The following MORN4 variants were observed in gnomAD, a reference collection of about 807,000 sequenced individuals.
MORN4 encodes MORN repeat containing 4, also known as MORN repeat-containing protein 4.
Under a neutral mutation model 16.4 loss-of-function variants are expected in MORN4, and 8 were observed. That is an observed-to-expected ratio of 0.49 (90% CI 0.29 to 0.88). The LOEUF (loss-of-function observed/expected upper bound fraction) is 0.88, where lower values mean the gene tolerates loss of function less well. Ranked by LOEUF, MORN4 falls within the 40% of genes least tolerant of loss-of-function variation. MORN4 has a pLI of 0.09. For missense variants in MORN4, 159 were observed against 182.9 expected (o/e 0.87, Z 0.75); for synonymous variants, 53 against 68.9 (o/e 0.77, Z 1.14).
At chr10:97,620,858 C>T (rs972328409) in intron 1 of MORN4, among the ~76,000 whole-genome samples, 5 of 152,242 alleles carry the variant, frequency 3.3e-5, no homozygotes, top group African/African-American at 1.2e-4. Context: ...CGTGGTAGCT[C>T]ATGCCTGTAA....
intron 1 of MORN4, among the ~76,000 whole-genome samples, chr10:97,632,260 C>G (rs934398154): frequency 2.7e-5 from 4 of 146,746 alleles, no homozygotes; most frequent in African/African-American, 1.0e-4. Flanking sequence ...GCTCTGTCCC[C>G]CATGCTGGAG....
chr10:97,633,334 G>C lies in MORN4; in HGVS notation c.-31+13C>G. 1 of 1,289,286 alleles carries C rather than the reference G, an allele frequency of 7.8e-7. No homozygotes were observed. The highest frequency in any genetic ancestry group is 1.2e-5 in the South Asian group (1 of 80,984). 79.9% of individuals were successfully genotyped at this position (1,289,286 alleles called of 1,614,324 possible). A position where few individuals can be genotyped will look rare whatever the true frequency, so the allele number is the denominator to read the frequency against. On this transcript the variant is annotated intron_variant, in intron 1 of 4. Transcript: ENST00000307450. The surrounding 1 kb of genome is among the most constrained non-coding windows in gnomAD (Gnocchi z 4.5). ...TCTTTCCCGGCCCCCTCCCTCCTGC[G>C]CCTCCAGCCAACCTGGGGCCGGCCT...
At position 97,633,451 on chromosome 10, in the gene MORN4, C is replaced by T. The variant is rs11813351; in HGVS notation, c.-135G>A. ...CGGCTGCCACCTTGCTCTCCGCCAC[C>T]TCCACCAGCGATTGCCCCACTTGAC... On this transcript the variant is annotated 5_prime_UTR_variant, in exon 1 of 5. Transcript: ENST00000307450. The surrounding 1 kb of genome is among the most constrained non-coding windows in gnomAD (Gnocchi z 4.5). 2.0e-3 allele frequency: 2,635 copies of T among 1,289,896 alleles called. 49 individuals are homozygous for T. In the African/African-American group the frequency reaches 0.036, roughly 18 times the overall value. 79.9% of individuals were successfully genotyped at this position (1,289,896 alleles called of 1,614,324 possible).
In MORN4 at chr10:97,617,403, T is replaced by C. The variant is rs147928048; in HGVS notation, c.68-81A>G. 6.5e-4 allele frequency: 638 copies of C among 983,306 alleles called. 7 individuals carry two copies. The East Asian group carries it at 0.015, about 23-fold the overall frequency. 60.9% of individuals were successfully genotyped at this position (983,306 alleles called of 1,614,324 possible). A position where few individuals can be genotyped will look rare whatever the true frequency, so the allele number is the denominator to read the frequency against. Reference sequence around the variant, plus strand: ...TCTTACTCTTGTAGCATCCCTTACCTGCCATCACCCTACCCACAAAGAAAA... The same window carrying C: ...TCTTACTCTTGTAGCATCCCTTACCCGCCATCACCCTACCCACAAAGAAAA... On this transcript the variant is annotated intron_variant, in intron 2 of 4. Coordinates refer to ENST00000307450, the MANE Select transcript of MORN4 (RefSeq NM_178832.4).
chr10:97,620,505 AAAGAAAAAAAAAAG>A (rs1467215063), intron 1 of MORN4, among the ~76,000 whole-genome samples: 44 of 104,694 alleles, frequency 4.2e-4, no homozygotes, highest in African/African-American at 1.6e-3. Flanking sequence ...AAAAAAAAAA[AAAGAAAAAAAAAAG>A]AAAATATGGG....
intron 1 of MORN4, among the ~76,000 whole-genome samples, chr10:97,628,872 A>T (rs926258790): frequency 1.3e-5 from 2 of 152,184 alleles, no homozygotes; most frequent in African/African-American, 2.4e-5. Flanking sequence ...CTTGGGGATT[A>T]TACCCTAAAT....
intron 1 of MORN4, among the ~76,000 whole-genome samples, chr10:97,620,021 G>A (rs532737608): frequency 1.4e-4 from 21 of 152,040 alleles, no homozygotes; most frequent in East Asian, 1.9e-4. Flanking sequence ...TTCCCTTGAC[G>A]AGTTTATAAT....
At position 97,614,669 on chromosome 10, in the gene MORN4, A is replaced by C. The variant is rs138848613; in HGVS notation, c.*1594T>G. The C allele has an allele frequency of 8.3e-3, 1,271 of 152,786 alleles. 9 individuals carry two copies. The highest frequency in any genetic ancestry group is 0.014 in the Non-Finnish European group (981 of 68,026). 9.5% of individuals were successfully genotyped at this position (152,786 alleles called of 1,614,324 possible). A position where few individuals can be genotyped will look rare whatever the true frequency, so the allele number is the denominator to read the frequency against. On this transcript the variant is annotated 3_prime_UTR_variant, in exon 5 of 5. Transcript: ENST00000307450. ...CACCACAATCTGCTGTTGAAGAGAC[A>C]TTCAATGTGAGGCTAGGGAGCTAGA...
chr10:97,622,860 T>C (rs557996165), intron 1 of MORN4, among the ~76,000 whole-genome samples: 2 of 143,660 alleles, frequency 1.4e-5, no homozygotes, highest in South Asian at 4.4e-4. Flanking sequence ...TCATCTTTCA[T>C]TTATTTATTT....
intron 1 of MORN4, among the ~76,000 whole-genome samples, chr10:97,627,588 C>T (rs79043127): frequency 6.6e-6 from 1 of 152,182 alleles, no homozygotes; most frequent in Non-Finnish European, 1.5e-5. Context: ...TTATAAGAAT[C>T]CCTGTGCTCT....
intron 2 of MORN4, 131 bp from the exon 3 acceptor site, chr10:97,617,453 G>C (rs1280274666): frequency 2.7e-6 from 2 of 737,130 alleles, no homozygotes; most frequent in Non-Finnish European, 4.7e-6. Flanking sequence ...ACATTAGCAG[G>C]GCAGAGGATT....
intron 1 of MORN4, among the ~76,000 whole-genome samples, chr10:97,628,934 T>C (rs1046206675): frequency 6.6e-6 from 1 of 152,262 alleles, no homozygotes; most frequent in African/African-American, 2.4e-5. Flanking sequence ...TTACCAAATG[T>C]GGCGGACTGT....
At chr10:97,624,025 C>G (rs532670132) in intron 1 of MORN4, among the ~76,000 whole-genome samples, 2 of 152,028 alleles carry the variant, frequency 1.3e-5, no homozygotes, top group Admixed American at 1.3e-4. Flanking sequence ...CATGAGCCAC[C>G]GTGCCTGGCC....
At position 97,633,332 on chromosome 10, in the gene MORN4, G is replaced by A. The variant is rs1423993601; in HGVS notation, c.-31+15C>T. On this transcript the variant is annotated intron_variant, in intron 1 of 4. Transcript: ENST00000307450. The surrounding 1 kb of genome is among the most constrained non-coding windows in gnomAD (Gnocchi z 4.5). ...ACTCTTTCCCGGCCCCCTCCCTCCTGCGCCTCCAGCCAACCTGGGGCCGGC... is the reference window on the plus strand; with the variant it reads ...ACTCTTTCCCGGCCCCCTCCCTCCTACGCCTCCAGCCAACCTGGGGCCGGC... 7.8e-7 allele frequency: 1 copy of A among 1,289,278 alleles called. No homozygotes were observed. The highest frequency in any genetic ancestry group is 1.0e-6 in the Non-Finnish European group (1 of 988,720). The allele number at this position is 1,289,278 out of a possible 1,614,324, so 79.9% of individuals were successfully genotyped here.
chr10:97,623,333 A>AAC (rs1478329542), intron 1 of MORN4, among the ~76,000 whole-genome samples: 1 of 152,172 alleles, frequency 6.6e-6, no homozygotes, highest in Admixed American at 6.6e-5. Context: ...TAATTCCAGC[A>AAC]CTTTGGGAGG....
Position 97,633,353 on chromosome 10 carries a change from C to T in MORN4, c.-37G>A. ...TCCTGCGCCTCCAGCCAACCTGGGG[C>T]CGGCCTTTCGGGATGACCGTCACGC... On this transcript the variant is annotated 5_prime_UTR_variant, in exon 1 of 5. Transcript: ENST00000307450. This position sits in a 1 kb window ranked among gnomAD's most constrained non-coding sequence, Gnocchi z 4.5. The T allele has an allele frequency of 1.6e-6, 2 of 1,289,802 alleles. No individual in the cohort carries two copies. Among genetic ancestry groups the T allele is most frequent in the Non-Finnish European group, 2.0e-6 (2 of 988,880 alleles). The allele number at this position is 1,289,802 out of a possible 1,614,324, so 79.9% of individuals were successfully genotyped here. A position where few individuals can be genotyped will look rare whatever the true frequency, so the allele number is the denominator to read the frequency against.
chr10:97,624,686 G>A (rs1048473545), intron 1 of MORN4, among the ~76,000 whole-genome samples: 1 of 152,156 alleles, frequency 6.6e-6, no homozygotes, highest in African/African-American at 2.4e-5. Context: ...CCAAGTAGCT[G>A]GGATTACTGG....
Position 97,619,571 on chromosome 10 carries a change from C to G in MORN4, c.67+16G>C, listed in dbSNP as rs537045810. The G allele has an allele frequency of 3.2e-6, 5 of 1,585,204 alleles. No individual in the cohort carries two copies. The highest frequency in any genetic ancestry group is 4.3e-6 in the Non-Finnish European group (5 of 1,153,662). ...TGAAGTGTTCATCATGGATACTCCC[C>G]AGGGGTCCTTCTCACCCTCCTTCCA... is the stretch of plus-strand genomic sequence containing the variant. On this transcript the variant is annotated intron_variant, in intron 2 of 4. Transcript: ENST00000307450.
rs776785078 is a variant in MORN4, at chr10:97,616,766, C to G, written c.204G>C (p.Gln68His). The G allele has an allele frequency of 3.5e-5, 57 of 1,613,932 alleles. No homozygotes were observed. Among genetic ancestry groups the G allele is most frequent in the Non-Finnish European group, 4.8e-5 (57 of 1,179,802 alleles). ...AGACTCCGACGCCATTAAACTTGCCCTGGGCAAACTCCCCCTCATACCTGC... is the reference window on the plus strand; with the variant it reads ...AGACTCCGACGCCATTAAACTTGCCGTGGGCAAACTCCCCCTCATACCTGC... ...DGSRYEGEFA[Q>H]GKFNGVGVFI... The change falls in exon 4 of 5, where the codon CAG becomes CAC. Residue 68 changes from glutamine to histidine, a missense_variant. Coordinates refer to ENST00000307450, the MANE Select transcript of MORN4 (RefSeq NM_178832.4).
Sources: gnomAD v4.1 joint callset for allele counts (sites outside exome capture counted in the v4.1 genomes callset) on GRCh38, gnomAD v4.1.1 for gene constraint, Gnocchi (gnomAD v3.1) non-coding constraint, MANE v1.5 for transcripts, NCBI Gene and HGNC (gene_info 2026-07-23, HGNC 2026-07-21) for gene names.